Variants in NQO1 observed in about 807,000 individuals in gnomAD.
NQO1 encodes NAD(P)H quinone dehydrogenase 1, also known as NAD(P)H dehydrogenase [quinone] 1.
A neutral mutation model predicts 32.1 loss-of-function variants in NQO1; 30 were observed. The ratio of observed to expected loss-of-function variants is 0.94; its 90% CI spans 0.70 to 1.27. The LOEUF (loss-of-function observed/expected upper bound fraction) is 1.27, where lower values mean the gene tolerates loss of function less well. Among genes scored for constraint, NQO1 ranks in the 50% most tolerant of loss-of-function variants. The pLI is 0.00. For missense variants in NQO1, 276 were observed against 331.3 expected, an observed-to-expected ratio of 0.83 and a Z score of 1.30; for synonymous variants, 109 against 119.7, an observed-to-expected ratio of 0.91 and a Z score of 0.59.
chr16:69,724,142 C>T (rs1033335006), intron 1 of NQO1, among the ~76,000 whole-genome samples: 1 of 151,882 alleles, frequency 6.6e-6, no homozygotes, highest in Non-Finnish European at 1.5e-5. Context: ...GGTGAAACCC[C>T]GTCTCTACTA....
At chr16:69,717,982 G>T in intron 3 of NQO1, 141 bp downstream of exon 3, 5 of 1,175,280 alleles carry the variant, frequency 4.3e-6, no homozygotes, top group Non-Finnish European at 6.0e-6. Flanking sequence ...ATGTAATACT[G>T]CACCTTTAAA....
In NQO1 at chr16:69,713,167, C is replaced by T. The variant is rs375616170; in HGVS notation, c.418-38G>A. 1.5e-5 allele frequency: 22 copies of T among 1,440,106 alleles called. 1 individual carries two copies. In the South Asian group the frequency reaches 2.4e-4, roughly 16 times the overall value. 89.2% of individuals were successfully genotyped at this position (1,440,106 alleles called of 1,614,324 possible). A position where few individuals can be genotyped will look rare whatever the true frequency, so the allele number is the denominator to read the frequency against. ...AAGCAATAACAAACTTCACTTCCCTCCACATCCCCTTGGTGACAAGAAGTT... is the reference window on the plus strand; with the variant it reads ...AAGCAATAACAAACTTCACTTCCCTTCACATCCCCTTGGTGACAAGAAGTT... On this transcript the variant is annotated intron_variant, in intron 4 of 5. Transcript: ENST00000320623.
rs1442063511 is a variant in NQO1 at position 69,710,945 on chromosome 16, C to T, written c.*31G>A. On this transcript the variant is annotated 3_prime_UTR_variant, in exon 6 of 6. Coordinates refer to ENST00000320623, the MANE Select transcript of NQO1 (RefSeq NM_000903.3). The stretch of plus-strand genomic sequence containing the variant: ...CTGGAAAGATACCCAGATTTGATAA[C>T]ATGTTAGAAGGAAATCCAGGCTAAG... 4.4e-6 allele frequency: 7 copies of T among 1,582,348 alleles called. No homozygotes were observed. The Admixed American group carries it at 9.1e-5, about 21-fold the overall frequency.
At chr16:69,722,224 C>T (rs1321643440) in intron 1 of NQO1, among the ~76,000 whole-genome samples, 1 of 151,990 alleles carries the variant, frequency 6.6e-6, no homozygotes, top group Non-Finnish European at 1.5e-5. Flanking sequence ...AGTGCAGTGG[C>T]GCCATCTCGG....
At chr16:69,717,974 G>A in intron 3 of NQO1, 149 bp downstream of exon 3, 1 of 1,128,806 alleles carries the variant, frequency 8.9e-7, no homozygotes, top group Non-Finnish European at 1.3e-6. Context: ...TGAAATCCAT[G>A]TAATACTGCA....
Position 69,722,938 on chromosome 16 carries a change from G to GT in NQO1, c.7+3494dup, listed in dbSNP as rs549033240. ...CCGCTCTGACAGTTTTTGTTTGTTT[G>GT]TTTTTTTGAGACAGAGTTTCGCTCT... is the stretch of plus-strand genomic sequence containing the variant. On this transcript the variant is annotated intron_variant, in intron 1 of 5. Coordinates refer to ENST00000320623, the MANE Select transcript of NQO1 (RefSeq NM_000903.3). Among the ~76,000 whole-genome samples the GT allele has an allele frequency of 1.9e-3, 285 of 152,122 alleles. 2 individuals are homozygous for GT. The highest frequency in any genetic ancestry group is 6.4e-3 in the African/African-American group (266 of 41,520).
chr16:69,711,730 T>G (rs2038044431), intron 5 of NQO1, among the ~76,000 whole-genome samples: 1 of 151,870 alleles, frequency 6.6e-6, no homozygotes, highest in African/African-American at 2.4e-5. Context: ...CTCGGCTCAT[T>G]GCGGCTTCCA....
chr16:69,726,554 C>T lies in NQO1; in HGVS notation c.-115G>A, dbSNP rs1445042644. 2.8e-6 allele frequency: 4 copies of T among 1,441,852 alleles called. No individual in the cohort carries two copies. Among genetic ancestry groups the T allele is most frequent in the Non-Finnish European group, 2.8e-6 (3 of 1,057,178 alleles). 89.3% of individuals were successfully genotyped at this position (1,441,852 alleles called of 1,614,324 possible). On this transcript the variant is annotated 5_prime_UTR_variant, in exon 1 of 6. Coordinates refer to ENST00000320623, the MANE Select transcript of NQO1 (RefSeq NM_000903.3). The stretch of plus-strand genomic sequence containing the variant: ...GCTCCGGCTGCAACCTTGTGGGAGT[C>T]GCGTGTGTAGTGCACGGTGCATTCT...
In NQO1 at chr16:69,711,114, A is replaced by G; in HGVS notation, c.687T>C (p.Phe229=). ...TPLYFAPSSL[F]DLNFQAGFLM... ...AGAATCCTGCCTGGAAGTTTAGGTC[A>G]AAGAGGCTGCTTGGAGCAAAATACA... Residue 229 remains phenylalanine (F), a synonymous_variant, in exon 6 of 6, where the codon TTT becomes TTC. Transcript: ENST00000320623. 1 of 1,614,188 alleles carries G rather than the reference A, an allele frequency of 6.2e-7. No individual in the cohort carries two copies. The highest frequency in any genetic ancestry group is 2.2e-5 in the East Asian group (1 of 44,888).
At chr16:69,722,964 G>A (rs1227644961) in intron 1 of NQO1, among the ~76,000 whole-genome samples, 1 of 152,190 alleles carries the variant, frequency 6.6e-6, no homozygotes, top group Non-Finnish European at 1.5e-5. Context: ...GTTTCGCTCT[G>A]TCGCCCAGGC....
At chr16:69,714,498 ACATCATGTCATTC>A (rs2038086372) in intron 4 of NQO1, among the ~76,000 whole-genome samples, 1 of 151,892 alleles carries the variant, frequency 6.6e-6, no homozygotes, top group Non-Finnish European at 1.5e-5. Context: ...CAAATCCCAA[ACATCATGTCATTC>A]CATCTGTAAA....
chr16:69,715,136 G>T, intron 3 of NQO1, 59 bp from the exon 4 acceptor site: 1 of 1,290,512 alleles, frequency 7.7e-7, no homozygotes, highest in Non-Finnish European at 1.1e-6. Context: ...CCAGAAGGTG[G>T]CTCGGAGTGC....
intron 1 of NQO1, 25 bp downstream of exon 1, chr16:69,726,408 G>C (rs768048534): frequency 6.2e-7 from 1 of 1,611,124 alleles, no homozygotes. Flanking sequence ...CGACCGCCAA[G>C]CACCCCGCCC....
intron 1 of NQO1, 91 bp downstream of exon 1, chr16:69,726,342 C>T (rs753648670): frequency 9.2e-5 from 142 of 1,547,704 alleles, no homozygotes; most frequent in Non-Finnish European, 1.2e-4. Flanking sequence ...AGTCAAGGAA[C>T]AAAATTCAGG....
rs1291020966 is a variant in NQO1, at chr16:69,709,460, A to T, written c.*1516T>A. 3.7e-6 allele frequency: 1 copy of T among 267,340 alleles called. No individual in the cohort carries two copies. Among genetic ancestry groups the T allele is most frequent in the Non-Finnish European group, 7.0e-6 (1 of 143,778 alleles). The allele number at this position is 267,340 out of a possible 1,614,324, so 16.6% of individuals were successfully genotyped here. A position where few individuals can be genotyped will look rare whatever the true frequency, so the allele number is the denominator to read the frequency against. On this transcript the variant is annotated 3_prime_UTR_variant, in exon 6 of 6. Transcript: ENST00000320623. ...TTCAGATCTTTGAGAAATTTACACA[A>T]AATTGCAGTGAAGATGAAGGCAACA... is the stretch of plus-strand genomic sequence containing the variant.
rs756806502 is a variant in NQO1 at position 69,718,511 on chromosome 16, CCAGTACGAT to C, written c.22_30del (p.Ile8_Leu10del). 1.7e-5 allele frequency: 27 copies of C among 1,613,826 alleles called. No homozygotes were observed. The highest frequency in any genetic ancestry group is 2.3e-5 in the Non-Finnish European group (27 of 1,179,998). On this transcript the variant is annotated inframe_deletion, in exon 2 of 6. Transcript: ENST00000320623. ...TTGAAGGACGTCCTCTCTGAGTGAG[CCAGTACGAT>C]CAGTGCTCTTCTGCCTACAGAGACA...
rs193078040 is a variant in NQO1, at chr16:69,723,769, T to G, written c.7+2664A>C. Among the ~76,000 whole-genome samples, 122 of 152,192 alleles carry G rather than the reference T, an allele frequency of 8.0e-4. 1 individual carries two copies. The highest frequency in any genetic ancestry group is 2.7e-3 in the African/African-American group (113 of 41,522). ...ATGAGCCGAGATCGCACCATTGCAC[T>G]CCAGCCTGCGCAACAGAGCAAGCCT... On this transcript the variant is annotated intron_variant, in intron 1 of 5. Transcript: ENST00000320623.
chr16:69,721,006 G>A (rs1007606581), intron 1 of NQO1, among the ~76,000 whole-genome samples: 6 of 151,020 alleles, frequency 4.0e-5, no homozygotes, highest in African/African-American at 1.5e-4. Flanking sequence ...TCAGCCTCCT[G>A]AGTAGCTGAT....
In NQO1 at chr16:69,710,677, G is replaced by T; in HGVS notation, c.*299C>A. 2 of 337,632 alleles carry T rather than the reference G, an allele frequency of 5.9e-6. No homozygotes were observed. Among genetic ancestry groups the T allele is most frequent in the Non-Finnish European group, 1.1e-5 (2 of 184,134 alleles). 20.9% of individuals were successfully genotyped at this position (337,632 alleles called of 1,614,324 possible). On this transcript the variant is annotated 3_prime_UTR_variant, in exon 6 of 6. Coordinates refer to ENST00000320623, the MANE Select transcript of NQO1 (RefSeq NM_000903.3). ...AGCCAAACTGTACCCTAAAACTTTA[G>T]CCCTAAAAAGAGGAATTAAATTGTG...
Sources: allele counts gnomAD v4.1 joint callset (sites outside exome capture counted in the v4.1 genomes callset), GRCh38; gene constraint gnomAD v4.1.1; transcripts MANE v1.5; gene names NCBI Gene and HGNC (gene_info 2026-07-23, HGNC 2026-07-21).